The following ADGRL3 variants were observed in gnomAD, a reference collection of about 807,000 sequenced individuals.
ADGRL3 encodes adhesion G protein-coupled receptor L3.
Under a neutral mutation model 153.5 loss-of-function variants are expected in ADGRL3, and 62 were observed. The ratio of observed to expected loss-of-function variants is 0.40; its 90% CI spans 0.33 to 0.50. The LOEUF (loss-of-function observed/expected upper bound fraction) is 0.50. Ranked by LOEUF, ADGRL3 falls within the 20% of genes least tolerant of loss-of-function variation. The pLI, the probability that ADGRL3 is intolerant of heterozygous loss-of-function variation, is 0.47. For synonymous variants in ADGRL3, 710 were observed against 672.5 expected (o/e 1.06, Z -0.86); for missense variants, 1,641 against 1,859.4 (o/e 0.88, Z 2.16).
intron 8 of ADGRL3, among the ~76,000 whole-genome samples, chr4:61,758,714 T>C (rs6817543): frequency 0.087 from 13,223 of 152,144 alleles, 1,208 homozygotes; most frequent in African/African-American, 0.23. Context: ...GAATTTGATC[T>C]TGTCATTATG....
intron 2 of ADGRL3, among the ~76,000 whole-genome samples, chr4:61,467,980 G>T (rs1251204526): frequency 6.6e-6 from 1 of 151,966 alleles, no homozygotes; most frequent in Admixed American, 6.6e-5. Flanking sequence ...TCTTTTATTT[G>T]TGTGCTAGGG....
intron 9 of ADGRL3, among the ~76,000 whole-genome samples, chr4:61,864,951 C>T (rs924036587): frequency 1.3e-5 from 2 of 152,126 alleles, no homozygotes; most frequent in Admixed American, 6.6e-5. Context: ...GAGGGACATA[C>T]ACTATCACGT....
At chr4:61,981,762 A>G (rs1319088623) in intron 18 of ADGRL3, among the ~76,000 whole-genome samples, 3 of 152,230 alleles carry the variant, frequency 2.0e-5, no homozygotes, top group African/African-American at 7.2e-5. Context: ...TTTTGAGCAT[A>G]ATAAATAGTT....
intron 5 of ADGRL3, among the ~76,000 whole-genome samples, chr4:61,606,688 G>C (rs1247587778): frequency 2.0e-5 from 3 of 152,148 alleles, no homozygotes; most frequent in Non-Finnish European, 4.4e-5. Flanking sequence ...TTTGGGGGCA[G>C]GGAGAGGGGA....
At chr4:61,684,361 A>C (rs2095404244) in intron 6 of ADGRL3, among the ~76,000 whole-genome samples, 1 of 152,124 alleles carries the variant, frequency 6.6e-6, no homozygotes, top group Non-Finnish European at 1.5e-5. Context: ...CAGGCCTCTG[A>C]AAAAGTAAGA....
chr4:61,326,599 A>ATGTGTGTGTGTGTGTG lies in ADGRL3; in HGVS notation c.-239-56505_-239-56490dup, dbSNP rs34387631. Among the ~76,000 whole-genome samples the ATGTGTGTGTGTGTGTG allele has an allele frequency of 8.0e-3, 1,127 of 140,692 alleles. 14 individuals are homozygous for ATGTGTGTGTGTGTGTG. The highest frequency in any genetic ancestry group is 0.028 in the African/African-American group (1,084 of 38,224). The allele number at this position is 140,692 out of a possible 152,430, so 92.3% of individuals were successfully genotyped here. On this transcript the variant is annotated intron_variant, in intron 1 of 26. Transcript: ENST00000683033. ...TCCAGCTAGCCAGTTATGCCAGATAATGTGTGTGTGTGTGTGTGTGTGTGT... is the reference window on the plus strand; with the variant it reads ...TCCAGCTAGCCAGTTATGCCAGATAATGTGTGTGTGTGTGTGTGTGTGTGTGTGTGTGTGTGTGTGT...
chr4:61,338,104 A>AT (rs2095719375), intron 1 of ADGRL3, among the ~76,000 whole-genome samples: 1 of 151,744 alleles, frequency 6.6e-6, no homozygotes, highest in African/African-American at 2.4e-5. Context: ...ATCTCTACTA[A>AT]AAATAATAAT....
intron 9 of ADGRL3, among the ~76,000 whole-genome samples, chr4:61,833,831 T>C (rs1385811659): frequency 6.6e-6 from 1 of 152,170 alleles, no homozygotes; most frequent in Non-Finnish European, 1.5e-5. Flanking sequence ...TAAACTAAGT[T>C]CTTCCCAAAG....
chr4:61,887,216 A>T (rs2098544477), intron 9 of ADGRL3, among the ~76,000 whole-genome samples: 1 of 152,028 alleles, frequency 6.6e-6, no homozygotes, highest in African/African-American at 2.4e-5. Context: ...AATTTTTTTT[A>T]GAAGATGCCC....
intron 2 of ADGRL3, among the ~76,000 whole-genome samples, chr4:61,438,036 GT>G (rs2097474696): frequency 6.6e-6 from 1 of 152,050 alleles, no homozygotes; most frequent in South Asian, 2.1e-4. Flanking sequence ...TGTGTACCTT[GT>G]TTTTCCTGGC....
At chr4:61,280,492 C>G (rs1301234715) in intron 1 of ADGRL3, among the ~76,000 whole-genome samples, 1 of 151,992 alleles carries the variant, frequency 6.6e-6, no homozygotes, top group Non-Finnish European at 1.5e-5. Flanking sequence ...ACCTAGTATA[C>G]TAGATTACCT....
intron 4 of ADGRL3, among the ~76,000 whole-genome samples, chr4:61,582,593 G>A (rs2098930445): frequency 6.6e-6 from 1 of 151,770 alleles, no homozygotes; most frequent in African/African-American, 2.4e-5. Context: ...TACCATTAAT[G>A]TGTAGCCCTC....
At chr4:61,421,340 AC>A (rs2097205244) in intron 2 of ADGRL3, among the ~76,000 whole-genome samples, 1 of 151,514 alleles carries the variant, frequency 6.6e-6, no homozygotes, top group African/African-American at 2.4e-5. Flanking sequence ...TCTCAAAAAA[AC>A]AAACAAACCA....
At chr4:62,019,621 A>C (rs1000491134) in intron 21 of ADGRL3, among the ~76,000 whole-genome samples, 10 of 152,116 alleles carry the variant, frequency 6.6e-5, no homozygotes, top group African/African-American at 2.4e-4. Context: ...AGGAATAATT[A>C]TATCTCATTG....
At chr4:61,848,281 G>T (rs1051851036) in intron 9 of ADGRL3, among the ~76,000 whole-genome samples, 1 of 149,694 alleles carries the variant, frequency 6.7e-6, no homozygotes, top group Non-Finnish European at 1.5e-5. Flanking sequence ...AGCACTGAAG[G>T]CTTAAAGTCC....
intron 5 of ADGRL3, among the ~76,000 whole-genome samples, chr4:61,589,096 A>T (rs1224228296): frequency 1.3e-5 from 2 of 152,102 alleles, no homozygotes; most frequent in Non-Finnish European, 2.9e-5. Context: ...GATCCTTTGG[A>T]GTCACTGAAC....
At position 61,974,307 on chromosome 4, in the gene ADGRL3, C is replaced by T. The variant is rs184919675; in HGVS notation, c.2806-5256C>T. 1.1e-4 allele frequency among the ~76,000 whole-genome samples: 16 copies of T among 152,138 alleles called. No individual in the cohort carries two copies. The East Asian group carries it at 3.1e-3, about 29-fold the overall frequency. ...TTATAGCCTTAATTTATAAGTACCA[C>T]AAATATTTAATAATAACTAAGCTGG... is the stretch of plus-strand genomic sequence containing the variant. On this transcript the variant is annotated intron_variant, in intron 17 of 26. Coordinates refer to ENST00000683033, the MANE Select transcript of ADGRL3 (RefSeq NM_001387552.1).
At chr4:61,889,833 G>A (rs141774199) in intron 9 of ADGRL3, among the ~76,000 whole-genome samples, 213 of 152,284 alleles carry the variant, frequency 1.4e-3, no homozygotes, top group African/African-American at 5.0e-3. Flanking sequence ...CTTGCACTAC[G>A]TGTGTAACTG....
Position 61,243,209 on chromosome 4 carries a change from A to G in ADGRL3, c.-240+41444A>G, listed in dbSNP as rs75300984. On this transcript the variant is annotated intron_variant, in intron 1 of 26. Coordinates refer to ENST00000683033, the MANE Select transcript of ADGRL3 (RefSeq NM_001387552.1). ...TCAAAGTAAATGGGAAGTAAACAAA[A>G]CCATCAGGTAGAGATCAAACGATTT... 1.1e-4 allele frequency among the ~76,000 whole-genome samples: 17 copies of G among 152,200 alleles called. No homozygotes were observed. The East Asian group carries it at 3.3e-3, about 29-fold the overall frequency.
Sources: gnomAD v4.1 joint callset for allele counts (sites outside exome capture counted in the v4.1 genomes callset) on GRCh38, gnomAD v4.1.1 for gene constraint, MANE v1.5 for transcripts, NCBI Gene and HGNC (gene_info 2026-07-23, HGNC 2026-07-21) for gene names.